ZNF566: variants seen among roughly 807,000 people sequenced by gnomAD.
The protein encoded by ZNF566 is zinc finger protein 566.
A neutral mutation model predicts 32.8 loss-of-function variants in ZNF566; 27 were observed. The ratio of observed to expected loss-of-function variants is 0.82; its 90% confidence interval spans 0.61 to 1.14. The LOEUF (loss-of-function observed/expected upper bound fraction) is 1.14, where lower values mean the gene tolerates loss of function less well. Ranked by LOEUF, ZNF566 falls within the 50% of genes most tolerant of loss-of-function variation. ZNF566 has a pLI of 0.00. For missense variants in ZNF566, 402 were observed against 490.4 expected (o/e 0.82, Z 1.70); for synonymous variants, 154 against 159.5 (o/e 0.97, Z 0.26).
chr19:36,450,454 G>A (rs2033125358), intron 4 of ZNF566, among the ~76,000 whole-genome samples: 2 of 152,058 alleles, frequency 1.3e-5, no homozygotes, highest in Non-Finnish European at 2.9e-5. Context: ...GATCAGCCTG[G>A]CTAACATGGT....
intron 3 of ZNF566, 112 bp downstream of exon 3, chr19:36,473,220 G>C: frequency 7.5e-7 from 1 of 1,327,314 alleles, no homozygotes; most frequent in Non-Finnish European, 1.1e-6. Context: ...CATTCCTGTG[G>C]AACAGGATAT....
intron 1 of ZNF566, among the ~76,000 whole-genome samples, chr19:36,485,934 GTC>G (rs2145714436): frequency 6.9e-6 from 1 of 145,670 alleles, no homozygotes; most frequent in East Asian, 2.1e-4. Context: ...CGCTCCTATA[GTC>G]CCAGCTGCTC....
At chr19:36,479,151 A>T (rs1293805369) in intron 1 of ZNF566, among the ~76,000 whole-genome samples, 2 of 152,198 alleles carry the variant, frequency 1.3e-5, no homozygotes, top group African/African-American at 4.8e-5. Context: ...TAATGTTGAA[A>T]CACTGAAAAA....
intron 4 of ZNF566, among the ~76,000 whole-genome samples, chr19:36,457,879 G>A (rs1431807415): frequency 4.6e-5 from 7 of 150,592 alleles, no homozygotes; most frequent in Non-Finnish European, 1.0e-4. Context: ...CAACAAGAGT[G>A]AGACTCCGTC....
Position 36,481,185 on chromosome 19 carries a change from T to C in ZNF566, c.-59-4569A>G, listed in dbSNP as rs183804509. Among the ~76,000 whole-genome samples the C allele has an allele frequency of 2.5e-3, 386 of 151,844 alleles. 1 individual carries two copies. The highest frequency in any genetic ancestry group is 8.5e-3 in the African/African-American group (351 of 41,422). ...AATGAGAGAAATAAGAAAACAACAA[T>C]GAGGGCTGGGCACAGGGGCTCATAC... On this transcript the variant is annotated intron_variant, in intron 1 of 4. Transcript: ENST00000452939.
intron 2 of ZNF566, among the ~76,000 whole-genome samples, chr19:36,473,838 A>G (rs1325468948): frequency 6.6e-6 from 1 of 152,226 alleles, no homozygotes; most frequent in Non-Finnish European, 1.5e-5. Flanking sequence ...CAAATAGCTG[A>G]GAGTCAAATT....
At position 36,473,010 on chromosome 19, in the gene ZNF566, C is replaced by T; in HGVS notation, c.137-4G>A. The T allele has an allele frequency of 6.2e-7, 1 of 1,609,718 alleles. No individual in the cohort carries two copies. The highest frequency in any genetic ancestry group is 8.5e-7 in the Non-Finnish European group (1 of 1,178,452). ...TTTGGTTTAGAAATAGAATGCCCTG[C>T]TTACAAAAGAAGTAACAAAACAAAT... On this transcript the variant is annotated splice_polypyrimidine_tract_variant and splice_region_variant and intron_variant, in intron 3 of 4. Transcript: ENST00000452939.
chr19:36,465,532 C>T (rs1478372390), intron 4 of ZNF566, among the ~76,000 whole-genome samples: 2 of 151,798 alleles, frequency 1.3e-5, no homozygotes, highest in Non-Finnish European at 2.9e-5. Flanking sequence ...AGTGCGGTGG[C>T]ACGATCTCAA....
intron 4 of ZNF566, among the ~76,000 whole-genome samples, chr19:36,452,328 A>G (rs1006239843): frequency 4.6e-5 from 7 of 151,924 alleles, no homozygotes; most frequent in African/African-American, 1.7e-4. Context: ...AAAAATGAGT[A>G]TAGCAAGGTG....
chr19:36,485,119 A>C (rs987573282), intron 1 of ZNF566, among the ~76,000 whole-genome samples: 2 of 152,018 alleles, frequency 1.3e-5, no homozygotes, highest in Non-Finnish European at 2.9e-5. Context: ...GTCTAAATCT[A>C]ACCATAAGGA....
At chr19:36,454,511 C>T (rs571590806) in intron 4 of ZNF566, among the ~76,000 whole-genome samples, 1 of 151,978 alleles carries the variant, frequency 6.6e-6, no homozygotes, top group East Asian at 1.9e-4. Context: ...TATGGTCATG[C>T]CACTATACTC....
At chr19:36,485,782 G>A (rs111978879) in intron 1 of ZNF566, among the ~76,000 whole-genome samples, 27,793 of 151,240 alleles carry the variant, frequency 0.18, 2,762 homozygotes, top group Non-Finnish European at 0.23. Context: ...GCGGTCAGGC[G>A]CGGTGGCTCA....
At chr19:36,473,223 C>T in intron 3 of ZNF566, 109 bp downstream of exon 3, 2 of 1,364,626 alleles carry the variant, frequency 1.5e-6, no homozygotes, top group Non-Finnish European at 2.1e-6. Context: ...TCCTGTGGAA[C>T]AGGATATCAA....
chr19:36,452,011 AAAAC>A (rs1234653319), intron 4 of ZNF566, among the ~76,000 whole-genome samples: 8 of 152,198 alleles, frequency 5.3e-5, no homozygotes, highest in East Asian at 1.9e-4. Flanking sequence ...CATCTCAAAA[AAAAC>A]AAACAAACAA....
intron 1 of ZNF566, among the ~76,000 whole-genome samples, chr19:36,481,084 A>G (rs1384042928): frequency 1.3e-5 from 2 of 152,132 alleles, no homozygotes; most frequent in Non-Finnish European, 2.9e-5. Flanking sequence ...TACTAAATAA[A>G]TATCTGCTAC....
At chr19:36,469,492 A>AT (rs2033709739) in intron 4 of ZNF566, among the ~76,000 whole-genome samples, 1 of 151,898 alleles carries the variant, frequency 6.6e-6, no homozygotes, top group Non-Finnish European at 1.5e-5. Context: ...GTGAGCCGAG[A>AT]TCACGCCTTT....
chr19:36,481,534 T>A (rs1172671964), intron 1 of ZNF566, among the ~76,000 whole-genome samples: 1 of 147,860 alleles, frequency 6.8e-6, no homozygotes, highest in African/African-American at 2.5e-5. Context: ...TCTATTAGAC[T>A]GGTGAAAACT....
chr19:36,467,662 G>T (rs968282186), intron 4 of ZNF566, among the ~76,000 whole-genome samples: 1 of 149,422 alleles, frequency 6.7e-6, no homozygotes, highest in African/African-American at 2.5e-5. Flanking sequence ...TTGGTGGCAC[G>T]TGCTTGTAAT....
At position 36,449,876 on chromosome 19, in the gene ZNF566, C is replaced by G; in HGVS notation, c.358G>C (p.Asp120His). 1 of 1,614,128 alleles carries G rather than the reference C, an allele frequency of 6.2e-7. No individual in the cohort carries two copies. Among genetic ancestry groups the G allele is most frequent in the South Asian group, 1.1e-5 (1 of 91,084 alleles). Residue 120 changes from aspartate (D) to histidine (H), a missense_variant, in exon 5 of 5, where the codon GAT (aspartate) becomes CAT (histidine). Physicochemically the swap from Asp to His is moderately conservative, Grantham distance 81 (BLOSUM62 -1). This residue lies in a region of ZNF566 where 220 missense variants were observed against 241.9 expected (regional missense o/e 0.91). Transcript: ENST00000452939. ...AACTGCCGATTACATTCCCAATCAT[C>G]TCTGAAACTGGAGCACTGAAAATCA... ...RRDFQCSSFR[D>H]DWECNRQFKK...
Sources: allele counts gnomAD v4.1 joint callset (sites outside exome capture counted in the v4.1 genomes callset), GRCh38; gene constraint gnomAD v4.1.1; regional missense constraint gnomAD v4.1.1; transcripts MANE v1.5; gene names NCBI Gene and HGNC (gene_info 2026-07-23, HGNC 2026-07-21).